LTBP1: variants seen among roughly 807,000 people sequenced by gnomAD.
LTBP1 encodes latent transforming growth factor beta binding protein 1.
A neutral mutation model predicts 207.6 loss-of-function variants in LTBP1; 129 were observed. The ratio of observed to expected loss-of-function variants is 0.62; its 90% CI spans 0.54 to 0.72. LTBP1 has a LOEUF of 0.72. LTBP1 is among the 30% of genes least tolerant of loss of function. The pLI is 0.00. For synonymous variants in LTBP1, 963 were observed against 833.7 expected (o/e 1.16, Z -2.67); for missense variants, 2,281 against 2,217.2 (o/e 1.03, Z -0.58).
At chr2:33,267,915 A>C (rs569748798) in intron 15 of LTBP1, among the ~76,000 whole-genome samples, 1 of 152,350 alleles carries the variant, frequency 6.6e-6, no homozygotes, top group Non-Finnish European at 1.5e-5. Context: ...ACAACTTGTT[A>C]GAGGCTTAAT....
intron 2 of LTBP1, among the ~76,000 whole-genome samples, chr2:32,991,617 C>T (rs17012426): frequency 0.062 from 9,415 of 152,266 alleles, 615 homozygotes; most frequent in East Asian, 0.28. Context: ...GGTAAAGTTT[C>T]GGTCAACTGT....
chr2:33,192,337 T>C (rs1384275014), intron 7 of LTBP1, among the ~76,000 whole-genome samples: 1 of 152,116 alleles, frequency 6.6e-6, no homozygotes, highest in Non-Finnish European at 1.5e-5. Flanking sequence ...TGAGACAGTA[T>C]AGAGTGCAGA....
At chr2:33,221,594 G>A (rs1037660400) in intron 8 of LTBP1, among the ~76,000 whole-genome samples, 5 of 152,122 alleles carry the variant, frequency 3.3e-5, no homozygotes, top group African/African-American at 4.8e-5. Context: ...TGGGATACCC[G>A]ATCCAGCAAT....
Position 33,276,707 on chromosome 2 carries a change from T to C in LTBP1, c.2992+784T>C, listed in dbSNP as rs189446459. 6.0e-4 allele frequency among the ~76,000 whole-genome samples: 92 copies of C among 152,118 alleles called. 2 individuals are homozygous for C. In the East Asian group the frequency reaches 0.014, roughly 24 times the overall value. Reference sequence around the variant, plus strand: ...CTCTCCTAAAAATACAAAAATTAGCTGGATGTGGTGGCACACGCCTGTAAT... The same window carrying C: ...CTCTCCTAAAAATACAAAAATTAGCCGGATGTGGTGGCACACGCCTGTAAT... On this transcript the variant is annotated intron_variant, in intron 18 of 33. Transcript: ENST00000404816.
intron 31 of LTBP1, 122 bp downstream of exon 31, chr2:33,365,625 C>CTGTG (rs2094976175): frequency 1.3e-6 from 1 of 795,848 alleles, no homozygotes. Context: ...TACTTTCATC[C>CTGTG]CGTGTGTGTG....
intron 2 of LTBP1, among the ~76,000 whole-genome samples, chr2:33,006,695 C>T (rs4952332): frequency 0.56 from 81,095 of 144,846 alleles, 24,590 homozygotes; most frequent in East Asian, 0.96. Context: ...AGAAAACCTA[C>T]TGAACATTTT....
intron 10 of LTBP1, among the ~76,000 whole-genome samples, chr2:33,249,448 C>T (rs969413652): frequency 4.0e-5 from 6 of 151,658 alleles, no homozygotes; most frequent in Non-Finnish European, 8.8e-5. Context: ...TTATACAATC[C>T]TATAATTAAG....
At chr2:33,246,494 CAG>C (rs2092516606) in intron 10 of LTBP1, among the ~76,000 whole-genome samples, 1 of 151,784 alleles carries the variant, frequency 6.6e-6, no homozygotes, top group African/African-American at 2.4e-5. Context: ...CACACACACA[CAG>C]ACACACACAC....
intron 19 of LTBP1, among the ~76,000 whole-genome samples, chr2:33,287,349 C>G (rs990072512): frequency 6.6e-6 from 1 of 152,202 alleles, no homozygotes; most frequent in African/African-American, 2.4e-5. Flanking sequence ...TCTTTTATCT[C>G]TAAATCCAGT....
chr2:32,955,389 A>G (rs1181581220), intron 2 of LTBP1, among the ~76,000 whole-genome samples: 1 of 152,186 alleles, frequency 6.6e-6, no homozygotes, highest in Non-Finnish European at 1.5e-5. Flanking sequence ...AGAGCTGGAA[A>G]TTTGCAAAAT....
chr2:33,172,445 A>C (rs547438248), intron 5 of LTBP1, among the ~76,000 whole-genome samples: 1 of 152,358 alleles, frequency 6.6e-6, no homozygotes, highest in African/African-American at 2.4e-5. Context: ...ATTCAAAAAG[A>C]AGAGCTAACT....
chr2:33,174,006 CAA>C (rs1339586965), intron 5 of LTBP1, among the ~76,000 whole-genome samples: 2 of 137,612 alleles, frequency 1.5e-5, no homozygotes, highest in African/African-American at 5.1e-5. Context: ...GGACGTATCT[CAA>C]AATAATAAGA....
intron 32 of LTBP1, among the ~76,000 whole-genome samples, chr2:33,390,740 C>T (rs2095308200): frequency 6.6e-6 from 1 of 152,060 alleles, no homozygotes; most frequent in Non-Finnish European, 1.5e-5. Flanking sequence ...GATTCATCCG[C>T]CTCGGCCTCC....
chr2:33,273,560 TA>T (rs1329067024), intron 15 of LTBP1, 95 bp from the exon 16 acceptor site: 1 of 881,126 alleles, frequency 1.1e-6, no homozygotes, highest in African/African-American at 1.7e-5. Context: ...AATAATTTGC[TA>T]GTTGGTCAGG....
chr2:33,040,431 G>A (rs2076126626), intron 3 of LTBP1, among the ~76,000 whole-genome samples: 1 of 152,210 alleles, frequency 6.6e-6, no homozygotes, highest in African/African-American at 2.4e-5. Flanking sequence ...ATATTTCTTT[G>A]TAATAAAGGT....
At chr2:32,956,908 C>G (rs1572811962) in intron 2 of LTBP1, among the ~76,000 whole-genome samples, 1 of 152,210 alleles carries the variant, frequency 6.6e-6, no homozygotes, top group East Asian at 1.9e-4. Flanking sequence ...ACGTACATCT[C>G]CATCACAGCT....
intron 24 of LTBP1, among the ~76,000 whole-genome samples, chr2:33,322,147 T>A (rs927853514): frequency 9.1e-5 from 13 of 142,850 alleles, no homozygotes; most frequent in South Asian, 8.9e-4. Flanking sequence ...TTTTTTTTTT[T>A]ATCACTGCTG....
At chr2:33,072,733 T>G (rs1176921208) in intron 3 of LTBP1, among the ~76,000 whole-genome samples, 4 of 152,150 alleles carry the variant, frequency 2.6e-5, no homozygotes, top group Admixed American at 6.5e-5. Context: ...AAAACCGGTA[T>G]ATTAATATAT....
chr2:33,043,715 T>G (rs1201938636), intron 3 of LTBP1, among the ~76,000 whole-genome samples: 1 of 152,198 alleles, frequency 6.6e-6, no homozygotes, highest in Admixed American at 6.5e-5. Context: ...GTATTCCTAT[T>G]AGGGGAGTAG....
Sources: allele counts gnomAD v4.1 joint callset (sites outside exome capture counted in the v4.1 genomes callset), GRCh38; gene constraint gnomAD v4.1.1; transcripts MANE v1.5; gene names NCBI Gene and HGNC (gene_info 2026-07-23, HGNC 2026-07-21).